Variants in FBXL7 observed in about 807,000 individuals in gnomAD.
FBXL7 encodes F-box and leucine rich repeat protein 7, also known as F-box/LRR-repeat protein 7.
A neutral mutation model predicts 38.3 loss-of-function variants in FBXL7; 12 were observed. The ratio of observed to expected loss-of-function variants is 0.31; its 90% CI spans 0.20 to 0.51. The LOEUF is 0.51. Among genes scored for constraint, FBXL7 ranks in the 20% least tolerant of loss-of-function variants. The pLI is 0.98. For synonymous variants in FBXL7, 297 were observed against 300.9 expected, an observed-to-expected ratio of 0.99 and a Z score of 0.13; for missense variants, 567 against 676.4, an observed-to-expected ratio of 0.84 and a Z score of 1.79.
At chr5:15,902,074 C>G (rs1444402289) in intron 2 of FBXL7, among the ~76,000 whole-genome samples, 1 of 152,188 alleles carries the variant, frequency 6.6e-6, no homozygotes, top group African/African-American at 2.4e-5. Flanking sequence ...CTCAGTGGGA[C>G]AGGTTCCATG....
At chr5:15,828,829 T>TA (rs1738381132) in intron 2 of FBXL7, among the ~76,000 whole-genome samples, 1 of 152,208 alleles carries the variant, frequency 6.6e-6, no homozygotes. Flanking sequence ...TGGATATAAT[T>TA]CATACATAGT....
intron 2 of FBXL7, among the ~76,000 whole-genome samples, chr5:15,673,540 T>C (rs1228497149): frequency 6.6e-6 from 1 of 152,174 alleles, no homozygotes; most frequent in East Asian, 1.9e-4. Flanking sequence ...CAGGCGTTAT[T>C]CTTCCAAATG....
intron 2 of FBXL7, among the ~76,000 whole-genome samples, chr5:15,885,659 G>A (rs1234618393): frequency 1.3e-5 from 2 of 152,110 alleles, no homozygotes; most frequent in Non-Finnish European, 2.9e-5. Flanking sequence ...TGTATCTGTG[G>A]CCATATGTAT....
At chr5:15,607,097 C>T (rs1462354072) in intron 1 of FBXL7, 2 of 152,164 alleles carry the variant, frequency 1.3e-5, no homozygotes, top group African/African-American at 4.8e-5. Flanking sequence ...GTAAATTCAA[C>T]ACACCAATAT....
rs559457723 is a variant in FBXL7, at chr5:15,646,124, G to T, written c.127+30052G>T. On this transcript the variant is annotated intron_variant, in intron 2 of 3. Transcript: ENST00000504595. ...TTGTAAAGTGGGGATAATAGTATATGTTTCACATCCCATGCAAATTGAATA... is the reference window on the plus strand; with the variant it reads ...TTGTAAAGTGGGGATAATAGTATATTTTTCACATCCCATGCAAATTGAATA... 2.2e-4 allele frequency among the ~76,000 whole-genome samples: 33 copies of T among 151,794 alleles called. No individual in the cohort carries two copies. The East Asian group carries it at 5.5e-3, about 25-fold the overall frequency.
intron 2 of FBXL7, among the ~76,000 whole-genome samples, chr5:15,874,897 G>T (rs1740133848): frequency 6.6e-6 from 1 of 152,092 alleles, no homozygotes; most frequent in African/African-American, 2.4e-5. Flanking sequence ...TTTCTTCACA[G>T]AATTAGAAAA....
chr5:15,753,352 T>C (rs775234405), intron 2 of FBXL7, among the ~76,000 whole-genome samples: 2 of 152,182 alleles, frequency 1.3e-5, no homozygotes, highest in African/African-American at 4.8e-5. Context: ...ACCTCTACTT[T>C]AGATGATCTA....
intron 1 of FBXL7, among the ~76,000 whole-genome samples, chr5:15,601,298 G>T (rs1264761285): frequency 6.6e-6 from 1 of 152,108 alleles, no homozygotes; most frequent in Non-Finnish European, 1.5e-5. Context: ...GGTGCAAATT[G>T]TAGTGATGTT....
intron 2 of FBXL7, among the ~76,000 whole-genome samples, chr5:15,848,776 G>A (rs1739002447): frequency 6.6e-6 from 1 of 152,192 alleles, no homozygotes; most frequent in Non-Finnish European, 1.5e-5. Context: ...TGTTGTGGCT[G>A]AGAGCCCAAA....
chr5:15,919,014 C>T (rs1741673050), intron 2 of FBXL7, among the ~76,000 whole-genome samples: 2 of 152,186 alleles, frequency 1.3e-5, no homozygotes, highest in African/African-American at 4.8e-5. Context: ...GAAAAACGAT[C>T]GCTCAGATTG....
At chr5:15,678,961 G>A (rs143596977) in intron 2 of FBXL7, among the ~76,000 whole-genome samples, 47 of 152,244 alleles carry the variant, frequency 3.1e-4, no homozygotes, top group African/African-American at 1.1e-3. Flanking sequence ...AAAATTTCAG[G>A]CAGCTACAAA....
rs1215951031 is a variant in FBXL7, at chr5:15,500,593, G to A, written c.-84G>A. ...GATGTGCAGCTAACGGTCCCGTCGGGCGGGCTTTCCTCGGGCCGAGCGCGC... is the reference window on the plus strand; with the variant it reads ...GATGTGCAGCTAACGGTCCCGTCGGACGGGCTTTCCTCGGGCCGAGCGCGC... On this transcript the variant is annotated 5_prime_UTR_variant, in exon 1 of 4. Coordinates refer to ENST00000504595, the MANE Select transcript of FBXL7 (RefSeq NM_012304.5). The A allele has an allele frequency of 6.3e-7, 1 of 1,589,378 alleles. No homozygotes were observed. Among genetic ancestry groups the A allele is most frequent in the South Asian group, 1.1e-5 (1 of 90,632 alleles).
intron 2 of FBXL7, among the ~76,000 whole-genome samples, chr5:15,661,889 T>G (rs1008227141): frequency 5.3e-5 from 8 of 152,234 alleles, no homozygotes; most frequent in African/African-American, 1.9e-4. Context: ...CTGCATAATA[T>G]TCCATGGTGT....
chr5:15,664,985 A>C (rs1410575823), intron 2 of FBXL7, among the ~76,000 whole-genome samples: 1 of 151,998 alleles, frequency 6.6e-6, no homozygotes, highest in Non-Finnish European at 1.5e-5. Context: ...TTAATACCAT[A>C]AAGATGTTAA....
chr5:15,629,718 C>T (rs372983751), intron 2 of FBXL7, among the ~76,000 whole-genome samples: 34 of 152,062 alleles, frequency 2.2e-4, no homozygotes, highest in African/African-American at 7.7e-4. Context: ...TTTTCAGCTC[C>T]GTATGCCTGG....
intron 3 of FBXL7, among the ~76,000 whole-genome samples, chr5:15,933,681 C>T (rs925731011): frequency 6.6e-6 from 1 of 152,176 alleles, no homozygotes; most frequent in Non-Finnish European, 1.5e-5. Context: ...AATTCTTTGA[C>T]TTAGTAGCAC....
chr5:15,869,977 G>A (rs1739883085), intron 2 of FBXL7, among the ~76,000 whole-genome samples: 2 of 152,082 alleles, frequency 1.3e-5, no homozygotes, highest in African/African-American at 2.4e-5. Flanking sequence ...GGATGTGGTG[G>A]CACACTCCTG....
chr5:15,611,593 T>G (rs1212112460), intron 1 of FBXL7, among the ~76,000 whole-genome samples: 1 of 151,720 alleles, frequency 6.6e-6, no homozygotes, highest in Non-Finnish European at 1.5e-5. Context: ...GAGCAGAGGC[T>G]CTCAGGAACC....
chr5:15,513,105 C>T (rs548730891), intron 1 of FBXL7, among the ~76,000 whole-genome samples: 1 of 152,188 alleles, frequency 6.6e-6, no homozygotes, highest in African/African-American at 2.4e-5. Flanking sequence ...CTGCCTCTAG[C>T]TGCAGCTGCC....
Sources: allele counts gnomAD v4.1 joint callset (sites outside exome capture counted in the v4.1 genomes callset), GRCh38; gene constraint gnomAD v4.1.1; transcripts MANE v1.5; gene names NCBI Gene and HGNC (gene_info 2026-07-23, HGNC 2026-07-21).